The following CYB5A variants were observed in gnomAD, a reference collection of about 807,000 sequenced individuals.
CYB5A encodes cytochrome b5 type A, also known as cytochrome b5.
In CYB5A, 10 loss-of-function variants were observed where a neutral mutation model predicts 16.2. That is an observed-to-expected ratio of 0.62 (90% CI 0.38 to 1.04). The LOEUF (loss-of-function observed/expected upper bound fraction) is 1.04, where lower values mean the gene tolerates loss of function less well. Among genes scored for constraint, CYB5A ranks in the 50% least tolerant of loss-of-function variants. The probability of loss-of-function intolerance (pLI) is 0.01; values close to 1 mark genes in which losing one functional copy is unlikely to be tolerated. For missense variants in CYB5A, 161 were observed against 165.9 expected, an observed-to-expected ratio of 0.97 and a Z score of 0.16; for synonymous variants, 62 against 57.0, an observed-to-expected ratio of 1.09 and a Z score of -0.40.
chr18:74,261,466 C>CAGTCA (rs1312366948), intron 2 of CYB5A: 1 of 180,022 alleles, frequency 5.6e-6, no homozygotes, highest in Non-Finnish European at 1.2e-5. Flanking sequence ...AGAAGTGCCA[C>CAGTCA]AGTCAGGGCC....
chr18:74,272,109 C>T (rs917231149), intron 1 of CYB5A, among the ~76,000 whole-genome samples: 1 of 152,224 alleles, frequency 6.6e-6, no homozygotes, highest in African/African-American at 2.4e-5. Flanking sequence ...TAAGCCCTAT[C>T]CTATGTAACT....
At position 74,291,900 on chromosome 18, in the gene CYB5A, A is replaced by G. The variant is rs1392644920; in HGVS notation, c.-25T>C. On this transcript the variant is annotated 5_prime_UTR_variant, in exon 1 of 5. Coordinates refer to ENST00000340533, the MANE Select transcript of CYB5A (RefSeq NM_148923.4). ...TCTCGGTTCGCCGCGAGCCAGGCCC[A>G]GCACACACAGCCCCGTCGGGTGGAG... 2 of 1,608,942 alleles carry G rather than the reference A, an allele frequency of 1.2e-6. No individual in the cohort carries two copies. The highest frequency in any genetic ancestry group is 1.7e-6 in the Non-Finnish European group (2 of 1,179,772).
chr18:74,284,795 G>A (rs1484603340), intron 1 of CYB5A, among the ~76,000 whole-genome samples: 1 of 152,180 alleles, frequency 6.6e-6, no homozygotes, highest in African/African-American at 2.4e-5. Flanking sequence ...TGCTGGTTCA[G>A]ATGCCATCAT....
intron 1 of CYB5A, among the ~76,000 whole-genome samples, chr18:74,272,730 C>T (rs981319286): frequency 6.6e-6 from 1 of 152,062 alleles, no homozygotes; most frequent in Non-Finnish European, 1.5e-5. Context: ...ACCAGCCTGG[C>T]CAACATGGTG....
In CYB5A at chr18:74,291,729, C is replaced by T. The variant is rs774107052; in HGVS notation, c.129+18G>A. ...GGCCCACGCTCCCTGCGCCCCAAGC[C>T]GCTCATCCCCAACTCACCTCTTCCA... On this transcript the variant is annotated intron_variant, in intron 1 of 4. Transcript: ENST00000340533. 1.2e-6 allele frequency: 2 copies of T among 1,613,710 alleles called. No homozygotes were observed. The highest frequency in any genetic ancestry group is 2.2e-5 in the South Asian group (2 of 91,076).
chr18:74,288,644 A>G (rs1983408426), intron 1 of CYB5A, among the ~76,000 whole-genome samples: 1 of 152,148 alleles, frequency 6.6e-6, no homozygotes, highest in Non-Finnish European at 1.5e-5. Context: ...ATAACAAACT[A>G]CCTGGCAGGG....
At chr18:74,278,430 T>A (rs1233415329) in intron 1 of CYB5A, among the ~76,000 whole-genome samples, 1 of 152,208 alleles carries the variant, frequency 6.6e-6, no homozygotes, top group African/African-American at 2.4e-5. Context: ...CTCATCCCCA[T>A]TTTATATTGC....
chr18:74,278,259 C>A lies in CYB5A; in HGVS notation c.129+13488G>T, dbSNP rs117493212. On this transcript the variant is annotated intron_variant, in intron 1 of 4. Transcript: ENST00000340533. ...GTGTGTACTGAGAGGAGAGCCACTTCGCTGAGATCTGCTAACAGGGGTCTA... is the reference window on the plus strand; with the variant it reads ...GTGTGTACTGAGAGGAGAGCCACTTAGCTGAGATCTGCTAACAGGGGTCTA... Among the ~76,000 whole-genome samples the A allele has an allele frequency of 5.5e-3, 834 of 152,296 alleles. 5 individuals carry two copies. Among genetic ancestry groups the A allele is most frequent in the Non-Finnish European group, 8.9e-3 (603 of 68,020 alleles).
chr18:74,254,095 G>A (rs1393933358), intron 4 of CYB5A, among the ~76,000 whole-genome samples: 2 of 152,098 alleles, frequency 1.3e-5, no homozygotes, highest in Admixed American at 6.5e-5. Context: ...CAGGAGAATC[G>A]CTTGAACCTG....
chr18:74,259,796 A>G (rs964113026), intron 3 of CYB5A: 3 of 152,218 alleles, frequency 2.0e-5, no homozygotes, highest in African/African-American at 4.8e-5. Context: ...AGTAGCCTCA[A>G]AAAAGATGCT....
Position 74,251,757 on chromosome 18 carries a change from C to A in CYB5A, c.*1827G>T, listed in dbSNP as rs956199018. ...AAATTAGGAAGTAAACTCTCCTTTA[C>A]TCCACATGTTGTTCCCAAAACACAT... On this transcript the variant is annotated 3_prime_UTR_variant, in exon 5 of 5. Coordinates refer to ENST00000340533, the MANE Select transcript of CYB5A (RefSeq NM_148923.4). The A allele has an allele frequency of 6.6e-6, 1 of 152,192 alleles. No homozygotes were observed. Among genetic ancestry groups the A allele is most frequent in the Non-Finnish European group, 1.5e-5 (1 of 68,032 alleles). 9.4% of individuals were successfully genotyped at this position (152,192 alleles called of 1,614,324 possible). A position where few individuals can be genotyped will look rare whatever the true frequency, so the allele number is the denominator to read the frequency against.
At chr18:74,254,919 C>T (rs1981913673) in intron 4 of CYB5A, among the ~76,000 whole-genome samples, 2 of 152,120 alleles carry the variant, frequency 1.3e-5, no homozygotes. Flanking sequence ...TAGAAATAGA[C>T]TTGGTATACA....
chr18:74,261,283 C>G, intron 2 of CYB5A: 2 of 337,356 alleles, frequency 5.9e-6, no homozygotes, highest in Non-Finnish European at 1.1e-5. Flanking sequence ...CTTCTGTCCT[C>G]TCAAATTCCA....
intron 4 of CYB5A, among the ~76,000 whole-genome samples, 195 bp from the exon 5 acceptor site, chr18:74,253,860 G>C (rs1981861370): frequency 6.6e-6 from 1 of 152,196 alleles, no homozygotes. Context: ...GAATCACTCT[G>C]CCCTGCTGGC....
intron 1 of CYB5A, among the ~76,000 whole-genome samples, chr18:74,269,459 T>C (rs1982584319): frequency 8.5e-6 from 1 of 118,014 alleles, no homozygotes; most frequent in Non-Finnish European, 2.0e-5. Flanking sequence ...ACTTAGAGAA[T>C]CATCTGTCAG....
chr18:74,253,641 A>G lies in CYB5A; in HGVS notation c.348T>C (p.Pro116=), dbSNP rs534965075. The part of the protein sequence containing the change: ...SSSWWTNWVI[P]AISAVAVALM... The stretch of plus-strand genomic sequence containing the variant: ...AGGCGACGGCCACTGCAGAGATGGC[A>G]GGGATCACCCAGTTGGTCCACCAAC... The change falls in exon 5 of 5, where the codon CCT becomes CCC. Residue 116 remains proline, a synonymous_variant. Transcript: ENST00000340533. The G allele has an allele frequency of 1.3e-4, 212 of 1,613,426 alleles. 4 individuals are homozygous for G. In the South Asian group the frequency reaches 2.2e-3, roughly 17 times the overall value.
chr18:74,270,825 C>A (rs1982640432), intron 1 of CYB5A, among the ~76,000 whole-genome samples: 1 of 152,094 alleles, frequency 6.6e-6, no homozygotes. Context: ...TAGAGGACTC[C>A]CTGGAGCACA....
chr18:74,287,893 CT>C (rs1005303018), intron 1 of CYB5A, among the ~76,000 whole-genome samples: 2 of 152,180 alleles, frequency 1.3e-5, no homozygotes, highest in African/African-American at 4.8e-5. Flanking sequence ...ATTTCTCCCC[CT>C]GGTCCTAAAT....
chr18:74,291,957 G>C lies in CYB5A; in HGVS notation c.-82C>G, dbSNP rs1404417997. On this transcript the variant is annotated 5_prime_UTR_variant, in exon 1 of 5. Transcript: ENST00000340533. ...GCGCGACTCAGCCAGCTCCACCCGG[G>C]ACATTCCCCGCGCCGGGAACCCCAC... 38 of 1,595,850 alleles carry C rather than the reference G, an allele frequency of 2.4e-5. No individual in the cohort carries two copies. The highest frequency in any genetic ancestry group is 3.2e-5 in the Non-Finnish European group (38 of 1,176,288).
Sources: gnomAD v4.1 joint callset for allele counts (sites outside exome capture counted in the v4.1 genomes callset) on GRCh38, gnomAD v4.1.1 for gene constraint, MANE v1.5 for transcripts, NCBI Gene and HGNC (gene_info 2026-07-23, HGNC 2026-07-21) for gene names.